Variants in TKTL1 observed in about 807,000 individuals in gnomAD.
The protein encoded by TKTL1 is transketolase like 1, also known as transketolase-like protein 1.
In TKTL1, 1 loss-of-function variant was observed where a neutral mutation model predicts 39.3. That is an observed-to-expected ratio of 0.03 (90% CI 0.01 to 0.12). The LOEUF is 0.12. Among genes scored for constraint, TKTL1 ranks in the 10% least tolerant of loss-of-function variants. The pLI, the probability that TKTL1 is intolerant of heterozygous loss-of-function variation, is 1.00. For synonymous variants in TKTL1, 262 were observed against 193.8 expected, an observed-to-expected ratio of 1.35 and a Z score of -2.92; for missense variants, 575 against 509.6, an observed-to-expected ratio of 1.13 and a Z score of -1.24.
At position 154,305,565 on chromosome X, in the gene TKTL1, C is replaced by A. The variant is rs1208916413; in HGVS notation, c.252+144C>A. On this transcript the variant is annotated intron_variant, in intron 2 of 12. Coordinates refer to ENST00000369915, the MANE Select transcript of TKTL1 (RefSeq NM_012253.4). ...CTTTGCATCTTAAAGCTCGAGTGTT[C>A]TAGTGAGGGCCACTTGGAGCCCTGT... 4 of 714,216 alleles carry A rather than the reference C, an allele frequency of 5.6e-6. No individual in the cohort carries two copies. In the East Asian group the frequency reaches 1.4e-4, roughly 26 times the overall value. The allele number at this position is 714,216 out of a possible 1,213,427, so 58.9% of individuals were successfully genotyped here.
At chrX:154,318,994 T>C (rs1190228177) in intron 7 of TKTL1, among the ~76,000 whole-genome samples, 1 of 111,722 alleles carries the variant, frequency 9.0e-6, no homozygotes, top group Non-Finnish European at 1.9e-5. Context: ...ATTAGGTTTT[T>C]TTTTCTGGAC....
Position 154,304,002 on chromosome X carries a change from C to T in TKTL1, c.135-1302C>T, listed in dbSNP as rs782763023. Among the ~76,000 whole-genome samples the T allele has an allele frequency of 5.4e-5, 6 of 110,796 alleles. No homozygotes were observed. The East Asian group carries it at 1.1e-3, about 21-fold the overall frequency. ...AGCCTCAAAGGTGCAGACACTGATG[C>T]GTTGGGGGAGATCACAGTGTGACAA... On this transcript the variant is annotated intron_variant, in intron 1 of 12. Transcript: ENST00000369915.
intron 7 of TKTL1, among the ~76,000 whole-genome samples, chrX:154,316,802 C>T (rs782433511): frequency 9.6e-6 from 1 of 103,955 alleles, no homozygotes; most frequent in South Asian, 4.6e-4. Flanking sequence ...GTCTCTCTCT[C>T]TCTCTCACCG....
At chrX:154,303,537 T>C (rs2148801148) in intron 1 of TKTL1, among the ~76,000 whole-genome samples, 1 of 105,018 alleles carries the variant, frequency 9.5e-6, no homozygotes, top group Non-Finnish European at 2.0e-5. Flanking sequence ...GGCCTCTCCC[T>C]CCTTTTTATC....
chrX:154,315,004 T>C (rs1219835095), intron 6 of TKTL1, among the ~76,000 whole-genome samples, 169 bp from the exon 7 acceptor site: 2 of 111,714 alleles, frequency 1.8e-5, no homozygotes, highest in Admixed American at 1.9e-4. Context: ...TAAGATTGGC[T>C]AGCAGTCCAT....
rs781805928 is a variant in TKTL1, at chrX:154,329,977, A to C, written c.*289A>C. On this transcript the variant is annotated 3_prime_UTR_variant, in exon 13 of 13. Coordinates refer to ENST00000369915, the MANE Select transcript of TKTL1 (RefSeq NM_012253.4). ...TGATAGTAAGTTTTCTGATAAGACTATAGATAAGTGGTAGAGGTAATCAAT... is the reference window on the plus strand; with the variant it reads ...TGATAGTAAGTTTTCTGATAAGACTCTAGATAAGTGGTAGAGGTAATCAAT... 11 of 256,426 alleles carry C rather than the reference A, an allele frequency of 4.3e-5. No homozygotes were observed. Among genetic ancestry groups the C allele is most frequent in the Non-Finnish European group, 7.6e-5 (11 of 145,096 alleles). 21.1% of individuals were successfully genotyped at this position (256,426 alleles called of 1,213,427 possible).
At chrX:154,305,272 G>A in intron 1 of TKTL1, 32 bp from the exon 2 acceptor site, 1 of 1,197,290 alleles carries the variant, frequency 8.4e-7, no homozygotes. Flanking sequence ...CAGTTGCTGT[G>A]AGAAATGACC....
intron 7 of TKTL1, 75 bp from the exon 8 acceptor site, chrX:154,320,682 T>C (rs1222263423): frequency 1.2e-5 from 12 of 1,034,240 alleles, no homozygotes; most frequent in South Asian, 5.8e-5. Flanking sequence ...ATGGGAGTTA[T>C]CATGGGGACT....
chrX:154,299,149 C>CTTTT (rs1180562974), intron 1 of TKTL1, among the ~76,000 whole-genome samples: 108 of 35,834 alleles, frequency 3.0e-3, no homozygotes, highest in Middle Eastern at 0.02. Flanking sequence ...CTTTTTCTTT[C>CTTTT]TTTTTTTTTT....
At chrX:154,325,297 C>G (rs186278563) in intron 9 of TKTL1, 42 bp from the exon 10 acceptor site, 1 of 1,140,361 alleles carries the variant, frequency 8.8e-7, no homozygotes, top group Admixed American at 2.2e-5. Context: ...GTTGGAAATT[C>G]ATTGTTTGCT....
intron 1 of TKTL1, among the ~76,000 whole-genome samples, chrX:154,302,474 G>A (rs2067281481): frequency 9.0e-6 from 1 of 110,957 alleles, no homozygotes; most frequent in African/African-American, 3.3e-5. Flanking sequence ...GGGCTCAAGA[G>A]CACTACCTTC....
chrX:154,303,113 C>T (rs1384822520), intron 1 of TKTL1, among the ~76,000 whole-genome samples: 2 of 111,004 alleles, frequency 1.8e-5, no homozygotes, highest in Admixed American at 9.6e-5. Flanking sequence ...TCGTTTCCTG[C>T]GCCAGCCTCC....
At chrX:154,310,486 G>A (rs2067348075) in intron 3 of TKTL1, among the ~76,000 whole-genome samples, 1 of 112,448 alleles carries the variant, frequency 8.9e-6, no homozygotes. Context: ...GAACTTACCA[G>A]AAAAATGAAT....
intron 6 of TKTL1, among the ~76,000 whole-genome samples, chrX:154,314,714 G>A (rs1255693603): frequency 4.5e-5 from 5 of 110,859 alleles, no homozygotes; most frequent in Admixed American, 3.9e-4. Context: ...TAGTAGAGAC[G>A]GGGTTTCACC....
At chrX:154,302,667 C>T (rs1366199589) in intron 1 of TKTL1, among the ~76,000 whole-genome samples, 2 of 111,757 alleles carry the variant, frequency 1.8e-5, no homozygotes, top group African/African-American at 3.3e-5. Flanking sequence ...CATGGCCTCC[C>T]GTACCTGTGA....
intron 1 of TKTL1, among the ~76,000 whole-genome samples, chrX:154,301,392 C>G (rs988130337): frequency 9.1e-6 from 1 of 110,438 alleles, no homozygotes; most frequent in Admixed American, 9.7e-5. Flanking sequence ...TGGTGCACCT[C>G]TGTAATCCCA....
intron 4 of TKTL1, 38 bp downstream of exon 4, chrX:154,311,065 C>T (rs782798174): frequency 1.7e-6 from 2 of 1,210,789 alleles, no homozygotes; most frequent in Non-Finnish European, 2.2e-6. Context: ...CCATTCTGTC[C>T]TGCCCCCTTC....
At chrX:154,315,133 T>C in intron 6 of TKTL1, 40 bp from the exon 7 acceptor site, 1 of 1,180,493 alleles carries the variant, frequency 8.5e-7, no homozygotes, top group African/African-American at 1.8e-5. Flanking sequence ...TCTAAATGCA[T>C]TTGAAGAAAC....
intron 2 of TKTL1, among the ~76,000 whole-genome samples, chrX:154,308,940 C>T (rs2067334932): frequency 9.0e-6 from 1 of 110,817 alleles, no homozygotes. Context: ...TTGTGCATGA[C>T]CGGGAAGGGC....
Sources: gnomAD v4.1 joint callset for allele counts (sites outside exome capture counted in the v4.1 genomes callset) on GRCh38, gnomAD v4.1.1 for gene constraint, MANE v1.5 for transcripts, NCBI Gene and HGNC (gene_info 2026-07-23, HGNC 2026-07-21) for gene names.